The following PBX4 variants were observed in gnomAD, a reference collection of about 807,000 sequenced individuals.
PBX4 encodes the protein pre-B-cell leukemia transcription factor 4.
A neutral mutation model predicts 35.1 loss-of-function variants in PBX4; 26 were observed. The observed-to-expected ratio is 0.74, with a 90% CI of 0.54 to 1.03. PBX4 has a LOEUF of 1.03. PBX4 is among the 50% of genes least tolerant of loss of function. The pLI, the probability that PBX4 is intolerant of heterozygous loss-of-function variation, is 0.00. For synonymous variants in PBX4, 199 were observed against 204.2 expected (o/e 0.97, Z 0.22); for missense variants, 448 against 504.3 (o/e 0.89, Z 1.07).
At chr19:19,564,657 T>C (rs2061329857) in intron 6 of PBX4, 1 of 382,262 alleles carries the variant, frequency 2.6e-6, no homozygotes, top group South Asian at 3.7e-5. Flanking sequence ...CATCTTGGCC[T>C]CCCAAAATGC....
At chr19:19,607,695 T>A (rs2061639567) in intron 1 of PBX4, among the ~76,000 whole-genome samples, 1 of 152,168 alleles carries the variant, frequency 6.6e-6, no homozygotes, top group Admixed American at 6.6e-5. Flanking sequence ...AAAAACATAA[T>A]CCACATTCTG....
At chr19:19,587,464 T>C (rs2061496989) in intron 2 of PBX4, among the ~76,000 whole-genome samples, 1 of 151,402 alleles carries the variant, frequency 6.6e-6, no homozygotes, top group South Asian at 2.1e-4. Flanking sequence ...GGCGGACTCC[T>C]GTAATCCCAG....
chr19:19,579,378 G>A (rs1568384516), intron 2 of PBX4, among the ~76,000 whole-genome samples: 1 of 151,850 alleles, frequency 6.6e-6, no homozygotes, highest in Non-Finnish European at 1.5e-5. Context: ...GTGGCATTTT[G>A]TTAGGGTGGC....
In PBX4 at chr19:19,578,015, T is replaced by TAA. The variant is rs34023797; in HGVS notation, c.194-7184_194-7183dup. ...CAACATGGTGAAAACCCATCTCTAC[T>TAA]AAAAAAAAAAAAAAAAAAAAAAAAA... On this transcript the variant is annotated intron_variant, in intron 2 of 7. Transcript: ENST00000251203. Among the ~76,000 whole-genome samples the TAA allele has an allele frequency of 4.2e-3, 309 of 73,368 alleles. 1 individual carries two copies. Among genetic ancestry groups the TAA allele is most frequent in the African/African-American group, 5.9e-3 (99 of 16,698 alleles). The allele number at this position is 73,368 out of a possible 152,430, so 48.1% of individuals were successfully genotyped here. A position where few individuals can be genotyped will look rare whatever the true frequency, so the allele number is the denominator to read the frequency against.
At position 19,561,921 on chromosome 19, in the gene PBX4, C is replaced by A. The variant is rs1295801249; in HGVS notation, c.*104G>T. 2.1e-6 allele frequency: 2 copies of A among 940,130 alleles called. No individual in the cohort carries two copies. Among genetic ancestry groups the A allele is most frequent in the Non-Finnish European group, 3.1e-6 (2 of 638,006 alleles). The allele number at this position is 940,130 out of a possible 1,614,324, so 58.2% of individuals were successfully genotyped here. A position where few individuals can be genotyped will look rare whatever the true frequency, so the allele number is the denominator to read the frequency against. On this transcript the variant is annotated 3_prime_UTR_variant, in exon 8 of 8. Transcript: ENST00000251203. ...AGCAGGGGCTCATGGGCACCACCAC[C>A]CATCTGGGTTTTCTGAGGTCGTCGG...
chr19:19,588,187 G>C, intron 2 of PBX4: 3 of 1,334,850 alleles, frequency 2.2e-6, no homozygotes, highest in Non-Finnish European at 3.2e-6. Flanking sequence ...TCTTCTCCTG[G>C]ATGGTGCACT....
At chr19:19,614,067 C>T (rs79683903) in intron 1 of PBX4, among the ~76,000 whole-genome samples, 1,853 of 152,344 alleles carry the variant, frequency 0.012, 18 homozygotes, top group Middle Eastern at 0.037. Flanking sequence ...TGGTTCACGT[C>T]TGTCATCCCA....
In PBX4 at chr19:19,617,176, A is replaced by AT. The variant is rs546162623; in HGVS notation, c.119+1334dup. 6.0e-5 allele frequency among the ~76,000 whole-genome samples: 9 copies of AT among 151,256 alleles called. No individual in the cohort carries two copies. The South Asian group carries it at 1.0e-3, about 18-fold the overall frequency. ...TACAGCTTTTATTGCCATTTATTTTATTTTTTTCTTTTCTCAGATTGGTAC... is the reference window on the plus strand; with the variant it reads ...TACAGCTTTTATTGCCATTTATTTTATTTTTTTTCTTTTCTCAGATTGGTAC... On this transcript the variant is annotated intron_variant, in intron 1 of 7. Coordinates refer to ENST00000251203, the MANE Select transcript of PBX4 (RefSeq NM_025245.3).
At chr19:19,586,456 G>A (rs1030094946) in intron 2 of PBX4, among the ~76,000 whole-genome samples, 4 of 152,082 alleles carry the variant, frequency 2.6e-5, no homozygotes, top group African/African-American at 9.7e-5. Context: ...TGCTAATGCT[G>A]AGTAAAAATG....
chr19:19,565,146 G>A (rs1041084455), intron 5 of PBX4, 57 bp from the exon 6 acceptor site: 27 of 1,607,670 alleles, frequency 1.7e-5, no homozygotes, highest in Admixed American at 5.0e-5. Context: ...GAGACACGAC[G>A]CAGTCTGTGG....
At chr19:19,616,980 C>T (rs1462654216) in intron 1 of PBX4, among the ~76,000 whole-genome samples, 1 of 152,104 alleles carries the variant, frequency 6.6e-6, no homozygotes, top group Non-Finnish European at 1.5e-5. Flanking sequence ...CCGCACCTGG[C>T]CCCAGCCTTC....
At chr19:19,613,745 A>G (rs916877288) in intron 1 of PBX4, among the ~76,000 whole-genome samples, 2 of 152,100 alleles carry the variant, frequency 1.3e-5, no homozygotes, top group African/African-American at 4.8e-5. Context: ...TAATCCCTCT[A>G]GAATCTCCTC....
chr19:19,563,580 C>A lies in PBX4; in HGVS notation c.961G>T (p.Asp321Tyr). ...SGPFPLPSAG[D>Y]AFLTLRTLAS... ...AGAGTCCGCAGGGTGAGGAAGGCGT[C>A]CCCAGCGCTGGGCAGCGGGAAGGGT... Residue 321 changes from aspartate (D) to tyrosine (Y), a missense_variant, in exon 7 of 8, where the codon GAC (aspartate) becomes TAC (tyrosine). Transcript: ENST00000251203. The surrounding 1 kb of genome is among the most constrained non-coding windows in gnomAD (Gnocchi z 5.1). The A allele has an allele frequency of 1.3e-6, 2 of 1,550,286 alleles. No homozygotes were observed. The highest frequency in any genetic ancestry group is 1.7e-6 in the Non-Finnish European group (2 of 1,147,086).
At chr19:19,615,775 G>A (rs767603004) in intron 1 of PBX4, among the ~76,000 whole-genome samples, 2 of 151,866 alleles carry the variant, frequency 1.3e-5, no homozygotes, top group African/African-American at 4.8e-5. Flanking sequence ...CTGTAGTCCC[G>A]GCTACTCAGG....
At chr19:19,604,328 T>C (rs1342672467) in intron 1 of PBX4, among the ~76,000 whole-genome samples, 1 of 151,844 alleles carries the variant, frequency 6.6e-6, no homozygotes, top group Non-Finnish European at 1.5e-5. Context: ...AAAAATTTGA[T>C]GGGCATGGTG....
chr19:19,610,337 C>T (rs776954205), intron 1 of PBX4, among the ~76,000 whole-genome samples: 20 of 151,946 alleles, frequency 1.3e-4, no homozygotes, highest in African/African-American at 1.9e-4. Flanking sequence ...TGTTTGAACC[C>T]GGGAGGTGGA....
intron 5 of PBX4, among the ~76,000 whole-genome samples, chr19:19,566,893 A>C (rs915430113): frequency 6.6e-6 from 1 of 152,068 alleles, no homozygotes; most frequent in African/African-American, 2.4e-5. Context: ...TATTTCCAGT[A>C]GCCACGGGGT....
rs2061316018 is a variant in PBX4, at chr19:19,562,813, G to A, written c.1032+696C>T. The stretch of plus-strand genomic sequence containing the variant: ...CAGGTCCCAGGGGTGCAAAGGGCAA[G>A]GTGAGGCCCCTCACGTGTGTCCCTG... On this transcript the variant is annotated intron_variant, in intron 7 of 7. Coordinates refer to ENST00000251203, the MANE Select transcript of PBX4 (RefSeq NM_025245.3). The surrounding 1 kb of genome is among the most constrained non-coding windows in gnomAD (Gnocchi z 4.8). Among the ~76,000 whole-genome samples the A allele has an allele frequency of 1.3e-5, 2 of 152,324 alleles. No homozygotes were observed. Among genetic ancestry groups the A allele is most frequent in the African/African-American group, 2.4e-5 (1 of 41,570 alleles).
intron 2 of PBX4, among the ~76,000 whole-genome samples, chr19:19,586,745 C>T (rs764811096): frequency 7.2e-5 from 11 of 151,750 alleles, no homozygotes; most frequent in Admixed American, 3.3e-4. Flanking sequence ...TCATGGCTAA[C>T]ACGGTAAAAC....
Sources: allele counts gnomAD v4.1 joint callset (sites outside exome capture counted in the v4.1 genomes callset), GRCh38; gene constraint gnomAD v4.1.1; non-coding constraint Gnocchi (gnomAD v3.1); transcripts MANE v1.5; gene names NCBI Gene and HGNC (gene_info 2026-07-23, HGNC 2026-07-21).